The following PCNT variants were observed in gnomAD, a reference collection of about 807,000 sequenced individuals.
PCNT encodes the protein kendrin.
PCNT carries 319 observed loss-of-function variants against 380.4 expected under a neutral mutation model. The ratio of observed to expected loss-of-function variants is 0.84; its 90% CI spans 0.77 to 0.92. PCNT has a LOEUF of 0.92. Among genes scored for constraint, PCNT ranks in the 40% least tolerant of loss-of-function variants. The pLI is 0.00. For missense variants in PCNT, 4,400 were observed against 4,255.3 expected, an observed-to-expected ratio of 1.03 and a Z score of -0.95; for synonymous variants, 1,845 against 1,735.2, an observed-to-expected ratio of 1.06 and a Z score of -1.57.
rs201377362 is a variant in PCNT at position 46,324,332 on chromosome 21, G to A, written c.54+50G>A. 3.7e-5 allele frequency: 55 copies of A among 1,473,882 alleles called. No individual in the cohort carries two copies. The Admixed American group carries it at 8.4e-4, about 23-fold the overall frequency. 91.3% of individuals were successfully genotyped at this position (1,473,882 alleles called of 1,614,324 possible). A position where few individuals can be genotyped will look rare whatever the true frequency, so the allele number is the denominator to read the frequency against. ...AGCTGCTCTGGCGTGAAGTCCTAAGGGCGGCTCCGGTGCCCGCCACCGCCC... is the reference window on the plus strand; with the variant it reads ...AGCTGCTCTGGCGTGAAGTCCTAAGAGCGGCTCCGGTGCCCGCCACCGCCC... On this transcript the variant is annotated intron_variant, in intron 1 of 46. Transcript: ENST00000359568.
At chr21:46,349,434 C>G (rs952890801) in intron 7 of PCNT, among the ~76,000 whole-genome samples, 2 of 152,192 alleles carry the variant, frequency 1.3e-5, no homozygotes, top group African/African-American at 4.8e-5. Context: ...TATTACAAAG[C>G]AGCAGCTTTG....
intron 3 of PCNT, among the ~76,000 whole-genome samples, chr21:46,336,959 T>A (rs1015178365): frequency 1.4e-4 from 20 of 147,922 alleles, no homozygotes; most frequent in African/African-American, 2.7e-4. Context: ...TTATTTACTT[T>A]AAAAAAAAAA....
chr21:46,330,762 G>T (rs1423759914), intron 2 of PCNT, among the ~76,000 whole-genome samples: 2 of 152,162 alleles, frequency 1.3e-5, no homozygotes, highest in African/African-American at 4.8e-5. Flanking sequence ...GAAATTCTAG[G>T]AAAGAGTCCA....
At position 46,436,476 on chromosome 21, in the gene PCNT, C is replaced by G. The variant is rs1280221594; in HGVS notation, c.8996+328C>G. 7.6e-4 allele frequency among the ~76,000 whole-genome samples: 24 copies of G among 31,734 alleles called. 1 individual carries two copies. The highest frequency in any genetic ancestry group is 2.8e-3 in the African/African-American group (21 of 7,466). 20.8% of individuals were successfully genotyped at this position (31,734 alleles called of 152,430 possible). ...GGGTTTGGAGCCTCCTGTGGCCCCC[C>G]CCCCCCCCCCCCGCTGGCACTGCCC... On this transcript the variant is annotated intron_variant, in intron 39 of 46. Transcript: ENST00000359568.
chr21:46,388,873 C>G lies in PCNT; in HGVS notation c.3596C>G (p.Ala1199Gly), dbSNP rs1309886243. 1 of 1,603,556 alleles carries G rather than the reference C, an allele frequency of 6.2e-7. No individual in the cohort carries two copies. Among genetic ancestry groups the G allele is most frequent in the Non-Finnish European group, 8.5e-7 (1 of 1,178,754 alleles). ...CTGGATGACGCGGGCGCAGGCCTGG[C>G]CCTGTCGACAGGTGAGTGTGCCGGG... The part of the protein sequence containing the change: ...LCLDDAGAGL[A>G]LSTAPALEET... Residue 1199 changes from alanine (A) to glycine (G), a missense_variant, in exon 18 of 47, where the codon GCC becomes GGC. Coordinates refer to ENST00000359568, the MANE Select transcript of PCNT (RefSeq NM_006031.6). The surrounding 1 kb of genome is among the most constrained non-coding windows in gnomAD (Gnocchi z 4.2).
At chr21:46,439,984 C>T (rs780996350) in intron 41 of PCNT, 99 bp from the exon 42 acceptor site, 181 of 1,483,502 alleles carry the variant, frequency 1.2e-4, no homozygotes, top group Middle Eastern at 2.1e-4. Flanking sequence ...CTGGCCTCCC[C>T]GCACATGGCC....
In PCNT at chr21:46,385,957, C is replaced by T. The variant is rs780126629; in HGVS notation, c.3438C>T (p.Ala1146=). 1.7e-5 allele frequency: 28 copies of T among 1,614,046 alleles called. No individual in the cohort carries two copies. The highest frequency in any genetic ancestry group is 6.7e-5 in the East Asian group (3 of 44,884). ...EGANLLSMLK[A]DVNLSHSERG... ...CAAACCTCCTCTCCATGCTCAAGGC[C>T]GACGTCAACCTGTCCCACAGCGAAA... Residue 1146 remains alanine, a synonymous_variant, in exon 17 of 47, where the codon GCC becomes GCT. Coordinates refer to ENST00000359568, the MANE Select transcript of PCNT (RefSeq NM_006031.6).
rs2086388149 is a variant in PCNT at position 46,400,572 on chromosome 21, G to A, written c.4791+776G>A. 3.5e-5 allele frequency among the ~76,000 whole-genome samples: 5 copies of A among 141,888 alleles called. No individual in the cohort carries two copies. In the South Asian group the frequency reaches 1.1e-3, roughly 31 times the overall value. The allele number at this position is 141,888 out of a possible 152,430, so 93.1% of individuals were successfully genotyped here. A position where few individuals can be genotyped will look rare whatever the true frequency, so the allele number is the denominator to read the frequency against. ...CTTGTTCTGTCACCCAGGCTGGAGT[G>A]CAGTGGCGCAATCTCGGCTCACAGC... On this transcript the variant is annotated intron_variant, in intron 25 of 46. Coordinates refer to ENST00000359568, the MANE Select transcript of PCNT (RefSeq NM_006031.6).
rs2053592048 is a variant in PCNT at position 46,440,936 on chromosome 21, T to C, written c.9475T>C (p.Leu3159=). 1.2e-6 allele frequency: 2 copies of C among 1,613,210 alleles called. No homozygotes were observed. Among genetic ancestry groups the C allele is most frequent in the African/African-American group, 1.3e-5 (1 of 74,932 alleles). The change falls in exon 43 of 47, where the codon TTG becomes CTG. Residue 3159 remains leucine, a synonymous_variant. Coordinates refer to ENST00000359568, the MANE Select transcript of PCNT (RefSeq NM_006031.6). ...LIYQKKYLLL[L]IGGFQDSEQE... is the part of the protein sequence containing the mutation. Reference sequence around the variant, plus strand: ...TTATCAAAAGAAGTATCTTTTGCTGTTGATTGGTGGATTCCAGGATTCTGA... The same window carrying C: ...TTATCAAAAGAAGTATCTTTTGCTGCTGATTGGTGGATTCCAGGATTCTGA...
intron 30 of PCNT, 149 bp downstream of exon 30, chr21:46,416,988 G>A: frequency 1.4e-6 from 1 of 713,498 alleles, no homozygotes; most frequent in Non-Finnish European, 2.3e-6. Context: ...GGCATCATGG[G>A]CGCATTTAGA....
rs1167427484 is a variant in PCNT, at chr21:46,425,987, C to A, written c.7320+16C>A. 6.2e-7 allele frequency: 1 copy of A among 1,609,192 alleles called. No individual in the cohort carries two copies. ...AAAGACGCAGGTTTATTTTGCCCTT[C>A]ACACACTTCTTTTCCAAAGGATTTA... On this transcript the variant is annotated intron_variant, in intron 33 of 46. Coordinates refer to ENST00000359568, the MANE Select transcript of PCNT (RefSeq NM_006031.6). The surrounding 1 kb of genome is among the most constrained non-coding windows in gnomAD (Gnocchi z 4.2).
At position 46,353,177 on chromosome 21, in the gene PCNT, C is replaced by G; in HGVS notation, c.1530C>G (p.Thr510=). The change falls in exon 10 of 47, where the codon ACC becomes ACG. Residue 510 remains threonine, a synonymous_variant. Transcript: ENST00000359568. ...AACAGCTGAAGCAGCGAGAAAAAAC[C>G]CAGCATGAGTCCGAACTGGAGCAAC... is the stretch of plus-strand genomic sequence containing the variant. ...DLEQLKQREK[T]QHESELEQLR... 1 of 1,614,102 alleles carries G rather than the reference C, an allele frequency of 6.2e-7. No homozygotes were observed. The highest frequency in any genetic ancestry group is 8.5e-7 in the Non-Finnish European group (1 of 1,180,018).
intron 39 of PCNT, among the ~76,000 whole-genome samples, chr21:46,436,479 C>CCA (rs1556004505): frequency 1.3e-5 from 1 of 76,102 alleles, no homozygotes; most frequent in Non-Finnish European, 3.4e-5. Flanking sequence ...GGCCCCCCCC[C>CCA]CCCCCCCCCG....
intron 13 of PCNT, among the ~76,000 whole-genome samples, chr21:46,357,648 C>CA (rs2084525818): frequency 6.6e-6 from 1 of 152,134 alleles, no homozygotes; most frequent in Non-Finnish European, 1.5e-5. Flanking sequence ...AGGCAGGTGT[C>CA]AAACGCCTGA....
intron 13 of PCNT, among the ~76,000 whole-genome samples, chr21:46,360,213 ATTTTTTTTTTTT>A (rs71318070): frequency 1.2e-5 from 1 of 82,474 alleles, no homozygotes; most frequent in Admixed American, 1.9e-4. Flanking sequence ...ATAGTTGGCA[ATTTTTTTTTTTT>A]TTTTTTTTTT....
At chr21:46,387,495 G>A (rs1022327313) in intron 17 of PCNT, among the ~76,000 whole-genome samples, 12 of 152,064 alleles carry the variant, frequency 7.9e-5, no homozygotes, top group Non-Finnish European at 7.4e-5. Context: ...GTGAGCCCAC[G>A]GTCCCTGGAC....
At chr21:46,346,055 G>T in intron 3 of PCNT, 73 bp from the exon 4 acceptor site, 25 of 1,412,856 alleles carry the variant, frequency 1.8e-5, no homozygotes, top group Non-Finnish European at 2.5e-5. Context: ...GACGTGCGTC[G>T]TCAGTTCTTG....
At chr21:46,345,561 A>G (rs998588660) in intron 3 of PCNT, among the ~76,000 whole-genome samples, 2 of 152,108 alleles carry the variant, frequency 1.3e-5, no homozygotes, top group East Asian at 1.9e-4. Context: ...AGCGAGTTTA[A>G]TATTTTTCCT....
Position 46,416,725 on chromosome 21 carries a change from AC to A in PCNT, c.6808del (p.Gln2270ArgfsTer56). ...GGGACAGGGCGGACACCTCGCTGCC[AC>A]AGACCCAGGGGCCGGGGCTGCTTTG... is the stretch of plus-strand genomic sequence containing the variant. Reference protein sequence around the residue: ...LGDRADTSLPQTQGPGLLCSP... With the variant: ...LGDRADTSLPXTQGPGLLCSP... On this transcript the variant is annotated frameshift_variant, in exon 30 of 47. Coordinates refer to ENST00000359568, the MANE Select transcript of PCNT (RefSeq NM_006031.6). LOFTEE classifies it high-confidence loss of function. 1 of 1,586,332 alleles carries A rather than the reference AC, an allele frequency of 6.3e-7. No individual in the cohort carries two copies. Among genetic ancestry groups the A allele is most frequent in the East Asian group, 2.2e-5 (1 of 44,490 alleles).
Sources: gnomAD v4.1 joint callset for allele counts (sites outside exome capture counted in the v4.1 genomes callset) on GRCh38, gnomAD v4.1.1 for gene constraint, Gnocchi (gnomAD v3.1) non-coding constraint, MANE v1.5 for transcripts, NCBI Gene and HGNC (gene_info 2026-07-23, HGNC 2026-07-21) for gene names.